AUNIP: variants seen among roughly 807,000 people sequenced by gnomAD.
AUNIP encodes aurora kinase A- and ninein-interacting protein.
A neutral mutation model predicts 12.2 loss-of-function variants in AUNIP; 16 were observed. The ratio of observed to expected loss-of-function variants is 1.31; its 90% CI spans 0.88 to 1.99. The LOEUF (loss-of-function observed/expected upper bound fraction) is 1.99, where lower values mean the gene tolerates loss of function less well. Among genes scored for constraint, AUNIP ranks in the 30% most tolerant of loss-of-function variants. The pLI is 0.00. For synonymous variants in AUNIP, 142 were observed against 154.8 expected (o/e 0.92, Z 0.61); for missense variants, 411 against 419.1 (o/e 0.98, Z 0.17).
intron 1 of AUNIP, among the ~76,000 whole-genome samples, chr1:25,842,362 G>A (rs1318952186): frequency 2.0e-5 from 3 of 152,232 alleles, no homozygotes; most frequent in African/African-American, 7.2e-5. Context: ...TATGCAAGCT[G>A]AGAGAGGTGA....
intron 1 of AUNIP, among the ~76,000 whole-genome samples, chr1:25,848,836 T>C (rs2048405398): frequency 6.6e-6 from 1 of 152,248 alleles, no homozygotes; most frequent in Non-Finnish European, 1.5e-5. Context: ...ATATCACTGC[T>C]GAGAGCAGTT....
rs1446739199 is a variant in AUNIP at position 25,835,743 on chromosome 1, T to C, written c.324A>G (p.Pro108=). 1 of 1,614,244 alleles carries C rather than the reference T, an allele frequency of 6.2e-7. No homozygotes were observed. Among genetic ancestry groups the C allele is most frequent in the Admixed American group, 1.7e-5 (1 of 60,028 alleles). The change falls in exon 3 of 3, where the codon CCA becomes CCG. Residue 108 remains proline (P), a synonymous_variant. Transcript: ENST00000374298. ...KNATQLDHLI[P]GLAHDCMASP... is the part of the protein sequence containing the mutation. ...ATGCCATGCAATCGTGTGCTAAGCCTGGGATCAAATGGTCTAGCTGGGTCG... is the reference window on the plus strand; with the variant it reads ...ATGCCATGCAATCGTGTGCTAAGCCCGGGATCAAATGGTCTAGCTGGGTCG...
intron 1 of AUNIP, among the ~76,000 whole-genome samples, chr1:25,859,058 C>A (rs7516948): frequency 6.6e-6 from 1 of 152,250 alleles, no homozygotes; most frequent in South Asian, 2.1e-4. Context: ...TCCAGACCCC[C>A]CAACAGCACG....
intron 1 of AUNIP, among the ~76,000 whole-genome samples, chr1:25,848,125 C>T (rs2048397208): frequency 6.6e-6 from 1 of 152,126 alleles, no homozygotes; most frequent in Admixed American, 6.5e-5. Context: ...TAAGAGATAG[C>T]TCCCATGACA....
intron 1 of AUNIP, among the ~76,000 whole-genome samples, chr1:25,856,676 G>A (rs189914792): frequency 8.9e-4 from 135 of 151,590 alleles, no homozygotes; most frequent in African/African-American, 2.9e-3. Flanking sequence ...ACTCCATTTC[G>A]GAAAACAACA....
chr1:25,853,724 C>T lies in AUNIP; in HGVS notation c.78+5556G>A, dbSNP rs1332893015. ...GCATTCATGATGTTGGCTCAGGCTA[C>T]AATCATCTGAAGCCTTAACTGGGGC... On this transcript the variant is annotated intron_variant, in intron 1 of 2. Coordinates refer to ENST00000374298, the MANE Select transcript of AUNIP (RefSeq NM_024037.3). Among the ~76,000 whole-genome samples, 6 of 152,188 alleles carry T rather than the reference C, an allele frequency of 3.9e-5. 1 individual carries two copies. The highest frequency in any genetic ancestry group is 7.3e-5 in the Non-Finnish European group (5 of 68,044).
At chr1:25,837,151 C>T (rs1322204392) in intron 2 of AUNIP, among the ~76,000 whole-genome samples, 1 of 152,090 alleles carries the variant, frequency 6.6e-6, no homozygotes, top group Non-Finnish European at 1.5e-5. Flanking sequence ...CTCCCAAGTA[C>T]ACCCTTCCTG....
chr1:25,837,786 C>T (rs1046775542), intron 1 of AUNIP, among the ~76,000 whole-genome samples: 2 of 152,132 alleles, frequency 1.3e-5, no homozygotes, highest in African/African-American at 4.8e-5. Context: ...TTCTGCTTCC[C>T]CATGGAAATC....
chr1:25,833,381 G>A (rs553046540), downstream of AUNIP, among the ~76,000 whole-genome samples: 30 of 152,164 alleles, frequency 2.0e-4, no homozygotes, highest in East Asian at 9.7e-4. Context: ...CTCCCAGAGC[G>A]TTGAGATTAC....
At position 25,835,576 on chromosome 1, in the gene AUNIP, GCA is replaced by G; in HGVS notation, c.489_490del (p.Ala164TrpfsTer3). 6.2e-7 allele frequency: 1 copy of G among 1,614,254 alleles called. No homozygotes were observed. The highest frequency in any genetic ancestry group is 8.5e-7 in the Non-Finnish European group (1 of 1,180,052). Reference sequence around the variant, plus strand: ...AGCCAGTGGGGTATGACTATCTCCAGCACAGTCTGGAGTATCAGGCTGGAGCA... The same window carrying G: ...AGCCAGTGGGGTATGACTATCTCCAGCAGTCTGGAGTATCAGGCTGGAGCA... On this transcript the variant is annotated frameshift_variant, in exon 3 of 3. Transcript: ENST00000374298. LOFTEE classifies it low-confidence loss of function (END_TRUNC).
At chr1:25,841,770 C>T (rs969077282) in intron 1 of AUNIP, among the ~76,000 whole-genome samples, 3 of 152,032 alleles carry the variant, frequency 2.0e-5, no homozygotes, top group African/African-American at 4.8e-5. Flanking sequence ...GTGATCCGCC[C>T]GCCTCGGCCT....
chr1:25,840,836 G>A (rs1240404174), intron 1 of AUNIP, among the ~76,000 whole-genome samples: 1 of 152,158 alleles, frequency 6.6e-6, no homozygotes, highest in Non-Finnish European at 1.5e-5. Flanking sequence ...AAATAATGCG[G>A]TTAGTATGCC....
intron 1 of AUNIP, among the ~76,000 whole-genome samples, chr1:25,849,010 T>C (rs370178101): frequency 6.6e-6 from 1 of 152,232 alleles, no homozygotes; most frequent in Non-Finnish European, 1.5e-5. Context: ...TGAGTACTTC[T>C]AGCAAATTAT....
chr1:25,841,363 GTGTTTT>G (rs1053738618), intron 1 of AUNIP, among the ~76,000 whole-genome samples: 8 of 152,140 alleles, frequency 5.3e-5, no homozygotes, highest in African/African-American at 7.2e-5. Flanking sequence ...CTTTGAAGAT[GTGTTTT>G]TGTTTTTGTT....
chr1:25,851,349 T>G (rs1197264059), intron 1 of AUNIP, among the ~76,000 whole-genome samples: 1 of 152,204 alleles, frequency 6.6e-6, no homozygotes, highest in Non-Finnish European at 1.5e-5. Flanking sequence ...GATATCTTGG[T>G]CTAGTTTTAG....
At chr1:25,855,690 T>C (rs1557457113) in intron 1 of AUNIP, among the ~76,000 whole-genome samples, 2 of 152,152 alleles carry the variant, frequency 1.3e-5, no homozygotes, top group African/African-American at 4.8e-5. Flanking sequence ...GGAAGAGGCA[T>C]GTTTTCAAAA....
At chr1:25,858,059 C>T (rs1348871524) in intron 1 of AUNIP, among the ~76,000 whole-genome samples, 1 of 151,972 alleles carries the variant, frequency 6.6e-6, no homozygotes, top group Non-Finnish European at 1.5e-5. Context: ...CCCAGCTACT[C>T]AGGAGGCTGA....
At chr1:25,844,336 T>C (rs1312848603) in intron 1 of AUNIP, among the ~76,000 whole-genome samples, 1 of 152,172 alleles carries the variant, frequency 6.6e-6, no homozygotes, top group Non-Finnish European at 1.5e-5. Flanking sequence ...CTTGACCTCA[T>C]GATCCACCTG....
chr1:25,851,218 C>T (rs2048422000), intron 1 of AUNIP, among the ~76,000 whole-genome samples: 1 of 152,118 alleles, frequency 6.6e-6, no homozygotes. Context: ...AAGATAAATT[C>T]CTCTTGGTCA....
Sources: gnomAD v4.1 joint callset for allele counts (sites outside exome capture counted in the v4.1 genomes callset) on GRCh38, gnomAD v4.1.1 for gene constraint, MANE v1.5 for transcripts, NCBI Gene and HGNC (gene_info 2026-07-23, HGNC 2026-07-21) for gene names.